ACVR2A: variants seen among roughly 807,000 people sequenced by gnomAD.
ACVR2A encodes activin A receptor type 2A.
Under a neutral mutation model 61.4 loss-of-function variants are expected in ACVR2A, and 7 were observed. The observed-to-expected ratio is 0.11, with a 90% CI of 0.06 to 0.21. The LOEUF (loss-of-function observed/expected upper bound fraction) is 0.21, where lower values mean the gene tolerates loss of function less well. Among genes scored for constraint, ACVR2A ranks in the 10% least tolerant of loss-of-function variants. ACVR2A has a pLI of 1.00. For synonymous variants in ACVR2A, 193 were observed against 208.3 expected (o/e 0.93, Z 0.63); for missense variants, 322 against 621.7 (o/e 0.52, Z 5.13).
chr2:147,863,583 A>G (rs1685781093), intron 1 of ACVR2A, among the ~76,000 whole-genome samples: 1 of 152,208 alleles, frequency 6.6e-6, no homozygotes. Context: ...TTGTATTCTT[A>G]CAATAAGGAA....
chr2:147,855,238 T>C (rs146459315), intron 1 of ACVR2A, among the ~76,000 whole-genome samples: 1,728 of 152,198 alleles, frequency 0.011, 37 homozygotes, highest in Admixed American at 0.051. Context: ...TGGGGAAGGG[T>C]GTGACTTTTT....
At chr2:147,858,003 C>T (rs1442842102) in intron 1 of ACVR2A, among the ~76,000 whole-genome samples, 1 of 151,952 alleles carries the variant, frequency 6.6e-6, no homozygotes, top group Non-Finnish European at 1.5e-5. Flanking sequence ...CCAGTGTTCC[C>T]CTCTATGTGT....
intron 1 of ACVR2A, among the ~76,000 whole-genome samples, chr2:147,846,061 G>A (rs1685305847): frequency 6.6e-6 from 1 of 152,158 alleles, no homozygotes; most frequent in African/African-American, 2.4e-5. Context: ...TTGATTTTGT[G>A]AGGACGTTCT....
intron 1 of ACVR2A, among the ~76,000 whole-genome samples, chr2:147,883,361 T>C (rs7559925): frequency 0.28 from 42,792 of 152,044 alleles, 6,450 homozygotes; most frequent in East Asian, 0.46. Context: ...CAGCTAATTT[T>C]TGTATTTTTG....
chr2:147,845,774 T>C (rs1685296279), intron 1 of ACVR2A, among the ~76,000 whole-genome samples: 1 of 152,304 alleles, frequency 6.6e-6, no homozygotes, highest in Admixed American at 6.5e-5. Flanking sequence ...TTAAAAATAG[T>C]TGTAGTTGTT....
In ACVR2A at chr2:147,915,200, C is replaced by T; in HGVS notation, c.538C>T (p.Pro180Ser). 1 of 1,611,756 alleles carries T rather than the reference C, an allele frequency of 6.2e-7. No homozygotes were observed. Among genetic ancestry groups the T allele is most frequent in the Non-Finnish European group, 8.5e-7 (1 of 1,178,348 alleles). The change falls in exon 5 of 11, where the codon CCA becomes TCA. Residue 180 changes from proline to serine, a missense_variant. By Grantham distance (74) the Pro-to-Ser change is moderately conservative. This residue lies in a region of ACVR2A where 146 missense variants were observed against 383.8 expected (regional missense o/e 0.38). Coordinates refer to ENST00000241416, the MANE Select transcript of ACVR2A (RefSeq NM_001616.5). ...PVLVPTQDPGPPPPSPLLGLK... is the reference protein window; with the variant it reads ...PVLVPTQDPGSPPPSPLLGLK... ...TATTATTTATCTGTAGGACCCAGGA[C>T]CACCCCCACCTTCTCCATTACTAGG...
intron 1 of ACVR2A, among the ~76,000 whole-genome samples, chr2:147,888,865 G>A (rs912134439): frequency 6.6e-6 from 1 of 152,132 alleles, no homozygotes; most frequent in East Asian, 1.9e-4. Context: ...TGTTGAGAGT[G>A]AAATTGTTGA....
rs1687548811 is a variant in ACVR2A at position 147,928,081 on chromosome 2, A to G, written c.*807A>G. The G allele has an allele frequency of 1.3e-5, 2 of 152,274 alleles. No individual in the cohort carries two copies. Among genetic ancestry groups the G allele is most frequent in the African/African-American group, 4.8e-5 (2 of 41,370 alleles). 9.4% of individuals were successfully genotyped at this position (152,274 alleles called of 1,614,324 possible). A position where few individuals can be genotyped will look rare whatever the true frequency, so the allele number is the denominator to read the frequency against. Reference sequence around the variant, plus strand: ...GGAAAAAAAGTGCTGTTTTTTGAAAAGATGGTGTCATTTCCCCCTTCTTCC... The same window carrying G: ...GGAAAAAAAGTGCTGTTTTTTGAAAGGATGGTGTCATTTCCCCCTTCTTCC... On this transcript the variant is annotated 3_prime_UTR_variant, in exon 11 of 11. Transcript: ENST00000241416.
intron 3 of ACVR2A, 58 bp downstream of exon 3, chr2:147,899,625 A>G (rs1237780252): frequency 6.3e-7 from 1 of 1,581,688 alleles, no homozygotes; most frequent in Admixed American, 1.7e-5. Flanking sequence ...AACAAAATAT[A>G]TTTGTGTTGA....
At chr2:147,924,418 G>T (rs756700239) in intron 9 of ACVR2A, among the ~76,000 whole-genome samples, 3 of 151,910 alleles carry the variant, frequency 2.0e-5, no homozygotes, top group Non-Finnish European at 2.9e-5. Flanking sequence ...CCAGTACATA[G>T]GTATTCAATA....
chr2:147,906,008 C>A lies in ACVR2A; in HGVS notation c.528+6110C>A, dbSNP rs1313665657. ...AGGTTTTCTTTGGCTTGTACAGGGTCTCGTCTGTCAGTTGATTGGTGCATA... is the reference window on the plus strand; with the variant it reads ...AGGTTTTCTTTGGCTTGTACAGGGTATCGTCTGTCAGTTGATTGGTGCATA... On this transcript the variant is annotated intron_variant, in intron 4 of 10. Coordinates refer to ENST00000241416, the MANE Select transcript of ACVR2A (RefSeq NM_001616.5). 2.0e-5 allele frequency among the ~76,000 whole-genome samples: 3 copies of A among 152,142 alleles called. No homozygotes were observed. In the East Asian group the frequency reaches 5.8e-4, roughly 29 times the overall value.
chr2:147,881,237 A>G (rs1039184988), intron 1 of ACVR2A, among the ~76,000 whole-genome samples: 3 of 152,082 alleles, frequency 2.0e-5, no homozygotes, highest in Non-Finnish European at 4.4e-5. Context: ...CTGTTGTTCT[A>G]TATATACTTT....
At chr2:147,857,974 C>G (rs1469130914) in intron 1 of ACVR2A, among the ~76,000 whole-genome samples, 2 of 152,052 alleles carry the variant, frequency 1.3e-5, no homozygotes, top group African/African-American at 4.8e-5. Context: ...GATCCTCTCC[C>G]TCCTCCCTCC....
At chr2:147,849,352 T>C (rs1439895045) in intron 1 of ACVR2A, among the ~76,000 whole-genome samples, 1 of 152,220 alleles carries the variant, frequency 6.6e-6, no homozygotes, top group Non-Finnish European at 1.5e-5. Context: ...GCCTGAAATA[T>C]GTTCACTATT....
At chr2:147,913,606 T>C (rs1431619764) in intron 4 of ACVR2A, among the ~76,000 whole-genome samples, 1 of 151,774 alleles carries the variant, frequency 6.6e-6, no homozygotes, top group East Asian at 1.9e-4. Context: ...ATCAGTAGAA[T>C]TTCTCGGATA....
At chr2:147,902,695 A>G (rs1686899238) in intron 4 of ACVR2A, among the ~76,000 whole-genome samples, 1 of 152,030 alleles carries the variant, frequency 6.6e-6, no homozygotes, top group African/African-American at 2.4e-5. Context: ...TGGGCTGTAG[A>G]TAAAAATATC....
chr2:147,877,861 T>C (rs1292106018), intron 1 of ACVR2A, among the ~76,000 whole-genome samples: 1 of 152,226 alleles, frequency 6.6e-6, no homozygotes, highest in Non-Finnish European at 1.5e-5. Context: ...GTGTTGTCCA[T>C]GTTCTGTTGC....
intron 1 of ACVR2A, among the ~76,000 whole-genome samples, chr2:147,865,386 C>A (rs1310404284): frequency 6.6e-6 from 1 of 152,086 alleles, no homozygotes; most frequent in African/African-American, 2.4e-5. Context: ...TTTTAGTAGC[C>A]TAATCTAAAG....
chr2:147,920,571 T>C (rs977865546), intron 8 of ACVR2A, among the ~76,000 whole-genome samples: 10 of 152,278 alleles, frequency 6.6e-5, no homozygotes, highest in African/African-American at 2.4e-4. Context: ...CATAGGATTC[T>C]TTTTGAAAAA....
Sources: gnomAD v4.1 joint callset for allele counts (sites outside exome capture counted in the v4.1 genomes callset) on GRCh38, gnomAD v4.1.1 for gene constraint, gnomAD v4.1.1 regional missense constraint, MANE v1.5 for transcripts, NCBI Gene and HGNC (gene_info 2026-07-23, HGNC 2026-07-21) for gene names.